USP34: variants seen among roughly 807,000 people sequenced by gnomAD.
The protein encoded by USP34 is ubiquitin carboxyl-terminal hydrolase 34.
In USP34, 70 loss-of-function variants were observed where a neutral mutation model predicts 460.3. That is an observed-to-expected ratio of 0.15 (90% CI 0.13 to 0.19). The LOEUF (loss-of-function observed/expected upper bound fraction) is 0.19, where lower values mean the gene tolerates loss of function less well. Among genes scored for constraint, USP34 ranks in the 10% least tolerant of loss-of-function variants. The probability of loss-of-function intolerance (pLI) is 1.00; values close to 1 mark genes in which losing one functional copy is unlikely to be tolerated. For missense variants in USP34, 3,985 were observed against 4,236.2 expected (o/e 0.94, Z 1.65); for synonymous variants, 1,647 against 1,405.3 (o/e 1.17, Z -3.85).
intron 1 of USP34, among the ~76,000 whole-genome samples, chr2:61,453,487 A>G (rs1695344173): frequency 6.6e-6 from 1 of 152,050 alleles, no homozygotes; most frequent in Non-Finnish European, 1.5e-5. Flanking sequence ...AGGAGGGTGA[A>G]TCACTTGAGG....
chr2:61,273,995 T>C (rs1689296810), intron 41 of USP34, among the ~76,000 whole-genome samples: 1 of 151,778 alleles, frequency 6.6e-6, no homozygotes, highest in Non-Finnish European at 1.5e-5. Flanking sequence ...TATTAAGTTA[T>C]GAAAGCATGA....
At position 61,314,925 on chromosome 2, in the gene USP34, C is replaced by G. The variant is rs1320557523; in HGVS notation, c.3332G>C (p.Gly1111Ala). 2 of 1,613,712 alleles carry G rather than the reference C, an allele frequency of 1.2e-6. No individual in the cohort carries two copies. The highest frequency in any genetic ancestry group is 1.7e-5 in the Admixed American group (1 of 59,962). Residue 1111 changes from glycine (G) to alanine (A), a missense_variant, in exon 24 of 80, where the codon GGT becomes GCT. Physicochemically the swap from Gly to Ala is moderately conservative, Grantham distance 60. Around this residue, in one of 14 missense-constraint regions of USP34, gnomAD observed 1,114 missense variants for 1,122.5 expected, o/e 0.99. Coordinates refer to ENST00000398571, the MANE Select transcript of USP34 (RefSeq NM_014709.4). ...CTGGATAGCTGCTCGACTGACATCA[C>G]CAGATTGTGCTCTTAAAGCAATGCC... is the stretch of plus-strand genomic sequence containing the variant. ...FWGIALRAQS[G>A]DVSRAAIQYI...
chr2:61,314,778 C>CT, intron 24 of USP34, 34 bp from the exon 25 acceptor site: 1 of 1,578,392 alleles, frequency 6.3e-7, no homozygotes. Context: ...ATATATTAGC[C>CT]TTATATTCTT....
chr2:61,300,838 A>T, intron 29 of USP34, 113 bp downstream of exon 29: 2 of 646,986 alleles, frequency 3.1e-6, no homozygotes, highest in Non-Finnish European at 2.3e-6. Context: ...AAAAAAAAGG[A>T]GAGAAAATTA....
intron 18 of USP34, 149 bp downstream of exon 18, chr2:61,339,201 TA>T: frequency 1.3e-6 from 1 of 771,360 alleles, no homozygotes; most frequent in Non-Finnish European, 1.9e-6. Context: ...AAGAAACCTC[TA>T]AATTTCATAT....
In USP34 at chr2:61,189,032, G is replaced by A. The variant is rs1349479488; in HGVS notation, c.9911C>T (p.Thr3304Ile). The A allele has an allele frequency of 6.2e-7, 1 of 1,614,088 alleles. No individual in the cohort carries two copies. The highest frequency in any genetic ancestry group is 1.7e-5 in the Admixed American group (1 of 60,006). Residue 3304 changes from threonine to isoleucine, a missense_variant, in exon 79 of 80, where the codon ACT (threonine) becomes ATT (isoleucine). Transcript: ENST00000398571. The part of the protein sequence containing the change: ...RALALLLSVH[T>I]PKQLNPALIP... Reference sequence around the variant, plus strand: ...TAGAGCTGGGTTTAACTGTTTGGGAGTGTGTACTGACAGGAGCAAAGCGAG... The same window carrying A: ...TAGAGCTGGGTTTAACTGTTTGGGAATGTGTACTGACAGGAGCAAAGCGAG...
intron 53 of USP34, among the ~76,000 whole-genome samples, chr2:61,236,798 T>A (rs1012977537): frequency 6.6e-6 from 1 of 152,214 alleles, no homozygotes; most frequent in Non-Finnish European, 1.5e-5. Context: ...GATTTGTTTA[T>A]AAAAATCATG....
chr2:61,433,521 C>T (rs1167528551), intron 1 of USP34, among the ~76,000 whole-genome samples: 5 of 152,112 alleles, frequency 3.3e-5, no homozygotes, highest in Non-Finnish European at 5.9e-5. Context: ...GTAATCCCAA[C>T]TACTGAGGAG....
intron 59 of USP34, 110 bp from the exon 60 acceptor site, chr2:61,229,105 T>C (rs531571237): frequency 2.5e-6 from 2 of 794,576 alleles, no homozygotes; most frequent in East Asian, 2.8e-5. Flanking sequence ...AGATAATGAA[T>C]ATGAACCGCA....
At chr2:61,427,452 C>T (rs921608888) in intron 1 of USP34, among the ~76,000 whole-genome samples, 2 of 152,214 alleles carry the variant, frequency 1.3e-5, no homozygotes, top group African/African-American at 2.4e-5. Flanking sequence ...CTAGCATCAA[C>T]GCCATCCAGG....
intron 68 of USP34, among the ~76,000 whole-genome samples, chr2:61,212,695 T>G (rs1262363924): frequency 3.3e-5 from 5 of 152,224 alleles, no homozygotes; most frequent in African/African-American, 2.4e-5. Flanking sequence ...AAAAACTGAC[T>G]TAAGTACCAT....
chr2:61,281,146 C>A lies in USP34; in HGVS notation c.5095G>T (p.Ala1699Ser). Residue 1699 changes from alanine (A) to serine (S), a missense_variant, in exon 38 of 80, where the codon GCT becomes TCT. Around this residue, in one of 14 missense-constraint regions of USP34, gnomAD observed 1,114 missense variants for 1,122.5 expected, o/e 0.99. Transcript: ENST00000398571. ...AGAAATTTCAATAATGTTGAGGCAG[C>A]CAATAGCAGAAAAGAACGATTGATT... ...DSINRSFLLL[A>S]ASTLLKFLPD... The A allele has an allele frequency of 6.2e-7, 1 of 1,613,812 alleles. No homozygotes were observed.
rs760643656 is a variant in USP34, at chr2:61,350,356, G to A, written c.1411C>T (p.Leu471=). ...TTAGCTGCTAGTGCGTTATTCCACAGTGCTTTAATTAACATGGATGCCAAG... is the reference window on the plus strand; with the variant it reads ...TTAGCTGCTAGTGCGTTATTCCACAATGCTTTAATTAACATGGATGCCAAG... ...LYLASMLIKA[L]WNNALAAKAQ... Residue 471 remains leucine (L), a synonymous_variant, in exon 12 of 80, where the codon CTG becomes TTG. Coordinates refer to ENST00000398571, the MANE Select transcript of USP34 (RefSeq NM_014709.4). 11 of 1,613,376 alleles carry A rather than the reference G, an allele frequency of 6.8e-6. No homozygotes were observed. The African/African-American group carries it at 1.3e-4, about 20-fold the overall frequency.
intron 3 of USP34, among the ~76,000 whole-genome samples, chr2:61,395,450 T>C (rs979507760): frequency 1.2e-4 from 19 of 152,210 alleles, no homozygotes; most frequent in African/African-American, 4.6e-4. Context: ...CAGTACATAC[T>C]ACACACTATT....
At chr2:61,266,991 C>T (rs1476533782) in intron 41 of USP34, among the ~76,000 whole-genome samples, 3 of 152,190 alleles carry the variant, frequency 2.0e-5, no homozygotes, top group Admixed American at 1.3e-4. Flanking sequence ...TATCCAGTCA[C>T]TATGTGCCCA....
intron 34 of USP34, among the ~76,000 whole-genome samples, chr2:61,286,577 C>T (rs1033300139): frequency 1.3e-5 from 2 of 152,050 alleles, no homozygotes; most frequent in Non-Finnish European, 2.9e-5. Flanking sequence ...ACCGCTTGAA[C>T]ACGGGAGGCA....
chr2:61,202,061 C>T (rs1686991540), intron 75 of USP34, among the ~76,000 whole-genome samples: 1 of 152,146 alleles, frequency 6.6e-6, no homozygotes, highest in African/African-American at 2.4e-5. Flanking sequence ...TACCAGGTTA[C>T]CAGGAACCAG....
At chr2:61,350,225 C>A (rs1288932774) in intron 12 of USP34, 35 bp downstream of exon 12, 1 of 1,560,530 alleles carries the variant, frequency 6.4e-7, no homozygotes, top group African/African-American at 1.4e-5. Flanking sequence ...GAGAAGCTCT[C>A]AACAATTTAC....
chr2:61,413,588 A>C (rs1694107920), intron 2 of USP34, among the ~76,000 whole-genome samples: 1 of 147,868 alleles, frequency 6.8e-6, no homozygotes, highest in South Asian at 2.2e-4. Context: ...TGAACCTGGA[A>C]GGCAGAGGCT....
Sources: allele counts gnomAD v4.1 joint callset (sites outside exome capture counted in the v4.1 genomes callset), GRCh38; gene constraint gnomAD v4.1.1; regional missense constraint gnomAD v4.1.1; transcripts MANE v1.5; gene names NCBI Gene and HGNC (gene_info 2026-07-23, HGNC 2026-07-21).